NEDD1: variants seen among roughly 807,000 people sequenced by gnomAD.
NEDD1 encodes NEDD1 gamma-tubulin ring complex targeting factor, also known as protein NEDD1.
NEDD1 carries 33 observed loss-of-function variants against 74.0 expected under a neutral mutation model. That is an observed-to-expected ratio of 0.45 (90% confidence interval 0.34 to 0.60). NEDD1 has a LOEUF of 0.60. NEDD1 is among the 20% of genes least tolerant of loss of function. The pLI, the probability that NEDD1 is intolerant of heterozygous loss-of-function variation, is 0.01. For synonymous variants in NEDD1, 250 were observed against 264.4 expected (o/e 0.95, Z 0.53); for missense variants, 746 against 776.5 (o/e 0.96, Z 0.47).
At chr12:96,950,918 TG>T (rs974495009) in intron 14 of NEDD1, among the ~76,000 whole-genome samples, 2 of 151,942 alleles carry the variant, frequency 1.3e-5, no homozygotes, top group African/African-American at 4.8e-5. Context: ...GAGTAAGCCA[TG>T]CTATATCCAC....
At chr12:96,916,688 C>G (rs1398620038) in intron 4 of NEDD1, among the ~76,000 whole-genome samples, 1 of 151,016 alleles carries the variant, frequency 6.6e-6, no homozygotes, top group Non-Finnish European at 1.5e-5. Context: ...CAAGTCTTTG[C>G]TATTGTGAGT....
intron 6 of NEDD1, among the ~76,000 whole-genome samples, chr12:96,927,874 T>C (rs1875882855): frequency 6.6e-6 from 1 of 152,170 alleles, no homozygotes; most frequent in Non-Finnish European, 1.5e-5. Flanking sequence ...AAAGACTTTT[T>C]ATCTAGAAGT....
chr12:96,932,500 C>A, intron 6 of NEDD1, among the ~76,000 whole-genome samples: 1 of 69,374 alleles, frequency 1.4e-5, no homozygotes, highest in Non-Finnish European at 2.8e-5. Context: ...AATGCACACA[C>A]ACAAGTAAAT....
chr12:96,918,851 C>T (rs73368684), intron 5 of NEDD1, among the ~76,000 whole-genome samples: 5,794 of 152,246 alleles, frequency 0.038, 383 homozygotes, highest in African/African-American at 0.13. Context: ...ATACCCAGAA[C>T]GTCTGCTCTT....
intron 3 of NEDD1, among the ~76,000 whole-genome samples, chr12:96,911,228 A>G (rs530117829): frequency 9.8e-5 from 15 of 152,324 alleles, no homozygotes; most frequent in South Asian, 6.2e-4. Flanking sequence ...CTCTTACTAT[A>G]TAAGAGAAAG....
intron 6 of NEDD1, among the ~76,000 whole-genome samples, chr12:96,927,612 G>A (rs1160840556): frequency 6.6e-6 from 1 of 152,042 alleles, no homozygotes; most frequent in East Asian, 1.9e-4. Flanking sequence ...TTAAATGTAG[G>A]TTTTCTGTGA....
chr12:96,950,024 T>C (rs1878556204), intron 14 of NEDD1, among the ~76,000 whole-genome samples: 1 of 152,022 alleles, frequency 6.6e-6, no homozygotes, highest in African/African-American at 2.4e-5. Flanking sequence ...AAGAACTATT[T>C]ATCACACAAT....
chr12:96,944,920 G>T, intron 13 of NEDD1, 125 bp downstream of exon 13: 2 of 622,056 alleles, frequency 3.2e-6, no homozygotes, highest in Non-Finnish European at 2.7e-6. Context: ...TAAAGTTTGT[G>T]GACACTTCTG....
At chr12:96,914,118 T>C (rs150268546) in intron 4 of NEDD1, among the ~76,000 whole-genome samples, 12 of 152,316 alleles carry the variant, frequency 7.9e-5, no homozygotes, top group African/African-American at 2.9e-4. Context: ...AATCAAGGCA[T>C]AGAATGTCTC....
intron 6 of NEDD1, among the ~76,000 whole-genome samples, chr12:96,927,015 A>G (rs1454282137): frequency 6.6e-6 from 1 of 151,946 alleles, no homozygotes; most frequent in Non-Finnish European, 1.5e-5. Flanking sequence ...TGTGTATAAT[A>G]TATATCATGT....
intron 10 of NEDD1, 84 bp from the exon 11 acceptor site, chr12:96,942,493 C>T (rs1427401313): frequency 5.8e-5 from 42 of 730,398 alleles, no homozygotes; most frequent in Non-Finnish European, 1.2e-5. Flanking sequence ...AGTCTCTGAA[C>T]TCTTTGGGGA....
chr12:96,930,156 AACACACACAC>A (rs61405089), intron 6 of NEDD1, among the ~76,000 whole-genome samples: 4,816 of 93,372 alleles, frequency 0.052, 154 homozygotes, highest in Admixed American at 0.1. Flanking sequence ...TCTGTTGTAA[AACACACACAC>A]ACACACACAC....
intron 5 of NEDD1, among the ~76,000 whole-genome samples, chr12:96,919,598 T>G (rs2136529070): frequency 6.6e-6 from 1 of 152,340 alleles, no homozygotes; most frequent in South Asian, 2.1e-4. Flanking sequence ...CCATAAAGTT[T>G]CCTCTGCCAA....
At chr12:96,945,029 ATG>A (rs1878058954) in intron 13 of NEDD1, among the ~76,000 whole-genome samples, 1 of 152,052 alleles carries the variant, frequency 6.6e-6, no homozygotes, top group Non-Finnish European at 1.5e-5. Context: ...TCAGTGTAAT[ATG>A]TGTCTTTAAT....
intron 4 of NEDD1, among the ~76,000 whole-genome samples, chr12:96,917,017 G>A (rs1296322179): frequency 6.6e-6 from 1 of 152,158 alleles, no homozygotes; most frequent in Non-Finnish European, 1.5e-5. Context: ...GTTATTCTGG[G>A]TTTTTATCTT....
chr12:96,936,866 A>G (rs1179345520), intron 8 of NEDD1, 54 bp downstream of exon 8: 2 of 1,108,894 alleles, frequency 1.8e-6, no homozygotes, highest in Admixed American at 3.8e-5. Flanking sequence ...TCTAACTCAG[A>G]ATATGGAAAT....
chr12:96,949,114 G>A (rs1376411787), intron 14 of NEDD1, among the ~76,000 whole-genome samples: 1 of 152,100 alleles, frequency 6.6e-6, no homozygotes, highest in Non-Finnish European at 1.5e-5. Flanking sequence ...CCAGGCCACT[G>A]CTTCAGCTCG....
chr12:96,937,379 T>C lies in NEDD1; in HGVS notation c.1103T>C (p.Val368Ala). 6.3e-7 allele frequency: 1 copy of C among 1,586,038 alleles called. No individual in the cohort carries two copies. The highest frequency in any genetic ancestry group is 8.6e-7 in the Non-Finnish European group (1 of 1,167,092). Residue 368 changes from valine to alanine, a missense_variant, in exon 9 of 16, where the codon GTT becomes GCT. By Grantham distance (64) the Val-to-Ala change is moderately conservative. Transcript: ENST00000266742. ...GCTATGGGGAAAGGAACAGTTGCTG[T>C]TCAAGAAAAAGCAGGTAAATGTTGC... is the stretch of plus-strand genomic sequence containing the variant. ...TSAMGKGTVA[V>A]QEKAGLPRSI... is the part of the protein sequence containing the mutation.
At chr12:96,922,063 A>G (rs376249320) in intron 6 of NEDD1, among the ~76,000 whole-genome samples, 5 of 152,360 alleles carry the variant, frequency 3.3e-5, no homozygotes, top group African/African-American at 1.2e-4. Context: ...AATGTCACAC[A>G]AAAGACTTGT....
Sources: allele counts gnomAD v4.1 joint callset (sites outside exome capture counted in the v4.1 genomes callset), GRCh38; gene constraint gnomAD v4.1.1; transcripts MANE v1.5; gene names NCBI Gene and HGNC (gene_info 2026-07-23, HGNC 2026-07-21).